MMP14: variants seen among roughly 807,000 people sequenced by gnomAD.
MMP14 encodes the protein matrix metallopeptidase 14.
In MMP14, 13 loss-of-function variants were observed where a neutral mutation model predicts 64.8. That is an observed-to-expected ratio of 0.20 (90% CI 0.13 to 0.32). MMP14 has a LOEUF of 0.32. Ranked by LOEUF, MMP14 falls within the 10% of genes least tolerant of loss-of-function variation. The pLI is 1.00. For missense variants in MMP14, 594 were observed against 783.8 expected, an observed-to-expected ratio of 0.76 and a Z score of 2.89; for synonymous variants, 322 against 315.9, an observed-to-expected ratio of 1.02 and a Z score of -0.20.
rs1270651040 is a variant in MMP14 at position 22,845,377 on chromosome 14, C to T, written c.1417+11C>T. 6.4e-7 allele frequency: 1 copy of T among 1,571,852 alleles called. No individual in the cohort carries two copies. Among genetic ancestry groups the T allele is most frequent in the Non-Finnish European group, 8.7e-7 (1 of 1,148,552 alleles). ...TGGGCAGCGATGAAGGTGAGAGGGG[C>T]AAGGGAAGGTGTCGCTGAGAGAAGG... is the stretch of plus-strand genomic sequence containing the variant. On this transcript the variant is annotated intron_variant, in intron 9 of 9. Coordinates refer to ENST00000311852, the MANE Select transcript of MMP14 (RefSeq NM_004995.4).
Position 22,845,906 on chromosome 14 carries a change from C to T in MMP14, c.1616C>T (p.Ala539Val), listed in dbSNP as rs1406906704. Residue 539 changes from alanine (A) to valine (V), a missense_variant, in exon 10 of 10, where the codon GCG (alanine) becomes GTG (valine). Around this residue, in one of 4 missense-constraint regions of MMP14, gnomAD observed 364 missense variants for 425.2 expected, o/e 0.86. Transcript: ENST00000311852. ...VDEEGGGAVSAAAVVLPVLLL... is the reference protein window; with the variant it reads ...VDEEGGGAVSVAAVVLPVLLL... ...GAGGAGGGCGGCGGGGCGGTGAGCGCGGCTGCCGTGGTGCTGCCCGTGCTG... is the reference window on the plus strand; with the variant it reads ...GAGGAGGGCGGCGGGGCGGTGAGCGTGGCTGCCGTGGTGCTGCCCGTGCTG... The T allele has an allele frequency of 1.2e-5, 19 of 1,610,334 alleles. No individual in the cohort carries two copies. In the East Asian group the frequency reaches 1.3e-4, roughly 11 times the overall value.
chr14:22,845,562 C>A, intron 9 of MMP14, 146 bp from the exon 10 acceptor site: 2 of 959,538 alleles, frequency 2.1e-6, no homozygotes, highest in East Asian at 2.4e-5. Flanking sequence ...ACTATAAGCA[C>A]CCCCATTTTA....
rs752923075 is a variant in MMP14, at chr14:22,843,459, T to C, written c.850+41T>C. 6.3e-7 allele frequency: 1 copy of C among 1,593,402 alleles called. No homozygotes were observed. Among genetic ancestry groups the C allele is most frequent in the South Asian group, 1.1e-5 (1 of 88,868 alleles). On this transcript the variant is annotated intron_variant, in intron 5 of 9. Transcript: ENST00000311852. This position sits in a 1 kb window ranked among gnomAD's most constrained non-coding sequence, Gnocchi z 4.8. ...CCACGCCTGCTCCCTCCTCTGCTGC[T>C]TGTTCCCTCCTGGTCTACGCATTTC...
intron 8 of MMP14, 123 bp downstream of exon 8, chr14:22,844,903 A>T (rs922217454): frequency 4.4e-6 from 6 of 1,367,490 alleles, no homozygotes; most frequent in Admixed American, 3.9e-5. Context: ...GAGCTGGCTG[A>T]GCCTCTGCTG....
Position 22,841,897 on chromosome 14 carries a change from C to T in MMP14, c.258-16C>T. ...CACTGCACTGATCCCAATCCTCGCA[C>T]CCAAACCCACTCCAGGGCCATGAGG... On this transcript the variant is annotated splice_polypyrimidine_tract_variant and intron_variant, in intron 2 of 9. Transcript: ENST00000311852. The T allele has an allele frequency of 6.2e-7, 1 of 1,614,208 alleles. No homozygotes were observed. Among genetic ancestry groups the T allele is most frequent in the Non-Finnish European group, 8.5e-7 (1 of 1,180,016 alleles).
At position 22,846,905 on chromosome 14, in the gene MMP14, C is replaced by G. The variant is rs2138747634; in HGVS notation, c.*866C>G. ...GAAGGCCACAGAGAAAGAACCTTGCCCAAACTCAGGCAGCTGGGGCTGAGG... is the reference window on the plus strand; with the variant it reads ...GAAGGCCACAGAGAAAGAACCTTGCGCAAACTCAGGCAGCTGGGGCTGAGG... On this transcript the variant is annotated 3_prime_UTR_variant, in exon 10 of 10. Transcript: ENST00000311852. The G allele has an allele frequency of 6.5e-6, 1 of 152,724 alleles. No homozygotes were observed. The highest frequency in any genetic ancestry group is 1.9e-4 in the East Asian group (1 of 5,192). The allele number at this position is 152,724 out of a possible 1,614,324, so 9.5% of individuals were successfully genotyped here.
rs760473001 is a variant in MMP14, at chr14:22,845,881, G to C, written c.1591G>C (p.Glu531Gln). 6.2e-7 allele frequency: 1 copy of C among 1,613,722 alleles called. No homozygotes were observed. The highest frequency in any genetic ancestry group is 8.5e-7 in the Non-Finnish European group (1 of 1,179,900). The change falls in exon 10 of 10, where the codon GAG becomes CAG. Residue 531 changes from glutamate to glutamine, a missense_variant. Coordinates refer to ENST00000311852, the MANE Select transcript of MMP14 (RefSeq NM_004995.4). Reference sequence around the variant, plus strand: ...GGAGGTGATCATCATTGAGGTGGACGAGGAGGGCGGCGGGGCGGTGAGCGC... The same window carrying C: ...GGAGGTGATCATCATTGAGGTGGACCAGGAGGGCGGCGGGGCGGTGAGCGC... ...ETEVIIIEVD[E>Q]EGGGAVSAAA...
intron 1 of MMP14, 76 bp from the exon 2 acceptor site, chr14:22,841,415 C>A: frequency 6.4e-7 from 1 of 1,568,864 alleles, no homozygotes; most frequent in South Asian, 1.1e-5. Context: ...AGGCTGTATG[C>A]TGGGCATTGT....
chr14:22,841,720 T>C (rs765622392), intron 2 of MMP14, 81 bp downstream of exon 2: 25 of 1,585,368 alleles, frequency 1.6e-5, no homozygotes, highest in Non-Finnish European at 2.1e-5. Flanking sequence ...CCTGAATGCC[T>C]GGCTTGTGCA....
rs775856853 is a variant in MMP14, at chr14:22,842,976, G to A, written c.688+259G>A. Reference sequence around the variant, plus strand: ...CAGACCGATGTCATGTCTCGCTCCCGGGAGAAACTGGGGACTAGAGAGAGC... The same window carrying A: ...CAGACCGATGTCATGTCTCGCTCCCAGGAGAAACTGGGGACTAGAGAGAGC... On this transcript the variant is annotated intron_variant, in intron 4 of 9. Transcript: ENST00000311852. The surrounding 1 kb of genome is among the most constrained non-coding windows in gnomAD (Gnocchi z 5.3). 3.7e-4 allele frequency among the ~76,000 whole-genome samples: 57 copies of A among 152,154 alleles called. No individual in the cohort carries two copies. The highest frequency in any genetic ancestry group is 2.1e-4 in the South Asian group (1 of 4,830).
Position 22,842,831 on chromosome 14 carries a change from T to C in MMP14, c.688+114T>C. The C allele has an allele frequency of 8.9e-7, 1 of 1,127,356 alleles. No individual in the cohort carries two copies. The highest frequency in any genetic ancestry group is 1.2e-6 in the Non-Finnish European group (1 of 804,160). The allele number at this position is 1,127,356 out of a possible 1,614,324, so 69.8% of individuals were successfully genotyped here. On this transcript the variant is annotated intron_variant, in intron 4 of 9. Coordinates refer to ENST00000311852, the MANE Select transcript of MMP14 (RefSeq NM_004995.4). The surrounding 1 kb of genome is among the most constrained non-coding windows in gnomAD (Gnocchi z 5.3). ...GCTAGAAGGGACCACAGAGACCTTC[T>C]GATCTAACTTCTGACAAAAGCAGGA... is the stretch of plus-strand genomic sequence containing the variant.
intron 1 of MMP14, 102 bp downstream of exon 1, chr14:22,837,027 A>G: frequency 1.2e-6 from 1 of 856,792 alleles, no homozygotes; most frequent in Non-Finnish European, 1.9e-6. Flanking sequence ...GGCTTTTGGG[A>G]TCTCCGCTGC....
At position 22,843,646 on chromosome 14, in the gene MMP14, C is replaced by T; in HGVS notation, c.851-64C>T. 1 of 1,526,478 alleles carries T rather than the reference C, an allele frequency of 6.6e-7. No homozygotes were observed. The highest frequency in any genetic ancestry group is 8.8e-7 in the Non-Finnish European group (1 of 1,131,174). The allele number at this position is 1,526,478 out of a possible 1,614,324, so 94.6% of individuals were successfully genotyped here. On this transcript the variant is annotated intron_variant, in intron 5 of 9. Coordinates refer to ENST00000311852, the MANE Select transcript of MMP14 (RefSeq NM_004995.4). The surrounding 1 kb of genome is among the most constrained non-coding windows in gnomAD (Gnocchi z 4.8). ...CTTTCCAAGGGTATTGTCTGCCCAT[C>T]TGTCTGTCCTTCCGTCCCCGCCTCC...
chr14:22,845,632 A>C, intron 9 of MMP14, 76 bp from the exon 10 acceptor site: 2 of 1,461,890 alleles, frequency 1.4e-6, no homozygotes, highest in Non-Finnish European at 1.9e-6. Context: ...TCACATTAAC[A>C]GAGCTTCCCT....
intron 1 of MMP14, among the ~76,000 whole-genome samples, chr14:22,838,437 G>C (rs916562239): frequency 1.3e-5 from 2 of 152,168 alleles, no homozygotes; most frequent in African/African-American, 4.8e-5. Context: ...CAGGAAGGGA[G>C]GGAGGAGCAG....
intron 9 of MMP14, 21 bp from the exon 10 acceptor site, chr14:22,845,687 C>G (rs1165849668): frequency 6.2e-7 from 1 of 1,611,844 alleles, no homozygotes. Flanking sequence ...TCCTTACCAC[C>G]TTCTGATTCA....
Position 22,845,824 on chromosome 14 carries a change from G to A in MMP14, c.1534G>A (p.Gly512Ser). ...GGACTGGATGGGCTGCCCATCGGGA[G>A]GCCGGCCGGATGAGGGGACTGAGGA... Reference protein sequence around the residue: ...LRDWMGCPSGGRPDEGTEEET... With the variant: ...LRDWMGCPSGSRPDEGTEEET... The change falls in exon 10 of 10, where the codon GGC becomes AGC. Residue 512 changes from glycine (G) to serine (S), a missense_variant. Physicochemically the swap from Gly to Ser is moderately conservative, Grantham distance 56. This residue lies in a region of MMP14 where 364 missense variants were observed against 425.2 expected (regional missense o/e 0.86). Coordinates refer to ENST00000311852, the MANE Select transcript of MMP14 (RefSeq NM_004995.4). 1 of 1,614,150 alleles carries A rather than the reference G, an allele frequency of 6.2e-7. No individual in the cohort carries two copies. Among genetic ancestry groups the A allele is most frequent in the Non-Finnish European group, 8.5e-7 (1 of 1,180,036 alleles).
intron 1 of MMP14, 176 bp downstream of exon 1, chr14:22,837,101 C>T (rs950549742): frequency 5.9e-4 from 409 of 697,668 alleles, no homozygotes; most frequent in Middle Eastern, 2.1e-3. Flanking sequence ...CCAGATCGAT[C>T]CAACTTTTGC....
At chr14:22,838,584 C>G (rs762567919) in intron 1 of MMP14, among the ~76,000 whole-genome samples, 5 of 152,196 alleles carry the variant, frequency 3.3e-5, no homozygotes, top group Non-Finnish European at 5.9e-5. Flanking sequence ...TTCGCAAAGA[C>G]AAAGCCAGCC....
Sources: allele counts gnomAD v4.1 joint callset (sites outside exome capture counted in the v4.1 genomes callset), GRCh38; gene constraint gnomAD v4.1.1; regional missense constraint gnomAD v4.1.1; non-coding constraint Gnocchi (gnomAD v3.1); transcripts MANE v1.5; gene names NCBI Gene and HGNC (gene_info 2026-07-23, HGNC 2026-07-21).